The following DNAH6 variants were observed in gnomAD, a reference collection of about 807,000 sequenced individuals.
The protein encoded by DNAH6 is dynein axonemal heavy chain 6.
DNAH6 carries 340 observed loss-of-function variants against 491.4 expected under a neutral mutation model. That is an observed-to-expected ratio of 0.69 (90% CI 0.63 to 0.76). The LOEUF (loss-of-function observed/expected upper bound fraction) is 0.76, where lower values mean the gene tolerates loss of function less well. DNAH6 is among the 30% of genes least tolerant of loss of function. The pLI, the probability that DNAH6 is intolerant of heterozygous loss-of-function variation, is 0.00. For missense variants in DNAH6, 4,443 were observed against 4,972.2 expected (o/e 0.89, Z 3.20); for synonymous variants, 1,603 against 1,686.1 (o/e 0.95, Z 1.21).
rs773995601 is a variant in DNAH6, at chr2:84,709,562, T to C, written c.9252+16T>C. The C allele has an allele frequency of 6.4e-7, 1 of 1,550,814 alleles. No individual in the cohort carries two copies. The highest frequency in any genetic ancestry group is 1.2e-5 in the South Asian group (1 of 84,012). On this transcript the variant is annotated intron_variant, in intron 55 of 76. Transcript: ENST00000389394. Reference sequence around the variant, plus strand: ...CCAAGATCAGGTGTGTAGCAAATGCTTAAGAGAGTGGCTTTTGGTTCTGCT... The same window carrying C: ...CCAAGATCAGGTGTGTAGCAAATGCCTAAGAGAGTGGCTTTTGGTTCTGCT...
At chr2:84,610,685 TATG>T (rs1282044673) in intron 21 of DNAH6, among the ~76,000 whole-genome samples, 1 of 152,218 alleles carries the variant, frequency 6.6e-6, no homozygotes, top group Admixed American at 6.5e-5. Context: ...GACATGCTAA[TATG>T]ATAAGTTATC....
intron 68 of DNAH6, among the ~76,000 whole-genome samples, chr2:84,788,648 C>T (rs1677450826): frequency 6.6e-6 from 1 of 152,186 alleles, no homozygotes; most frequent in African/African-American, 2.4e-5. Context: ...GTGACCATAG[C>T]TTTATCACAT....
At chr2:84,518,177 A>T (rs1675773639) in intron 2 of DNAH6, 126 bp downstream of exon 2, 1 of 682,416 alleles carries the variant, frequency 1.5e-6, no homozygotes, top group East Asian at 2.7e-5. Flanking sequence ...AAAAGATAAT[A>T]ACTGCTTATG....
chr2:84,688,085 A>T (rs373811500), intron 44 of DNAH6, among the ~76,000 whole-genome samples: 2 of 152,000 alleles, frequency 1.3e-5, no homozygotes, highest in Non-Finnish European at 2.9e-5. Context: ...AAATACAAAA[A>T]TAAGCTGGGC....
In DNAH6 at chr2:84,577,398, G is replaced by A. The variant is rs149416280; in HGVS notation, c.2066G>A (p.Arg689Gln). ...LREKLIPSPL[R>Q]CLEVLNFMLP... is the part of the protein sequence containing the mutation. ...GAAAAATTAATTCCATCACCTTTGCGATGCTTAGAGGTAACTATAAACTAG... is the reference window on the plus strand; with the variant it reads ...GAAAAATTAATTCCATCACCTTTGCAATGCTTAGAGGTAACTATAAACTAG... The change falls in exon 13 of 77, where the codon CGA (arginine) becomes CAA (glutamine). Residue 689 changes from arginine to glutamine, a missense_variant. Arg to Gln is a conservative substitution (Grantham distance 43). Transcript: ENST00000389394. The A allele has an allele frequency of 1.3e-5, 21 of 1,597,744 alleles. No homozygotes were observed. Among genetic ancestry groups the A allele is most frequent in the East Asian group, 9.0e-5 (4 of 44,608 alleles).
chr2:84,695,508 C>T (rs368908506), intron 46 of DNAH6, among the ~76,000 whole-genome samples: 1 of 151,992 alleles, frequency 6.6e-6, no homozygotes, highest in Non-Finnish European at 1.5e-5. Flanking sequence ...TACAAAGTTG[C>T]ATGTATAAGA....
At chr2:84,815,576 C>T (rs893751323) in intron 75 of DNAH6, among the ~76,000 whole-genome samples, 2 of 152,148 alleles carry the variant, frequency 1.3e-5, no homozygotes, top group African/African-American at 4.8e-5. Context: ...TATAATCTGT[C>T]TTCTAGGAGG....
At chr2:84,642,165 C>A in intron 33 of DNAH6, 111 bp downstream of exon 33, 1 of 735,662 alleles carries the variant, frequency 1.4e-6, no homozygotes, top group Non-Finnish European at 2.2e-6. Flanking sequence ...CCTATCTTTT[C>A]TGGAGAAACT....
chr2:84,520,136 G>T (rs962773709), intron 2 of DNAH6, among the ~76,000 whole-genome samples: 2 of 151,950 alleles, frequency 1.3e-5, no homozygotes, highest in African/African-American at 4.8e-5. Flanking sequence ...AGGGCCCTGT[G>T]AGTGGTGTTG....
At chr2:84,476,269 A>G in the DNAH6 span, among the ~76,000 whole-genome samples, 3 of 152,202 alleles carry the variant, frequency 2.0e-5, no homozygotes, top group African/African-American at 2.4e-5. Context: ...CTGCTGGACT[A>G]TAGTTACGGG....
intron 64 of DNAH6, among the ~76,000 whole-genome samples, chr2:84,771,105 A>G (rs980410269): frequency 2.6e-5 from 4 of 152,104 alleles, no homozygotes; most frequent in Admixed American, 6.5e-5. Flanking sequence ...CTTGCCCAAC[A>G]TGGAGAAATC....
At chr2:84,818,589 T>C (rs1191750788) in intron 76 of DNAH6, among the ~76,000 whole-genome samples, 1 of 151,218 alleles carries the variant, frequency 6.6e-6, no homozygotes, top group African/African-American at 2.4e-5. Flanking sequence ...GAGGAATATA[T>C]TTAAAATCAC....
Position 84,625,163 on chromosome 2 carries a change from A to C in DNAH6, c.4515+100A>C, listed in dbSNP as rs915831531. On this transcript the variant is annotated intron_variant, in intron 29 of 76. Transcript: ENST00000389394. ...AATAAGGCAAGAATGGAGTGATGAC[A>C]AGCAAGAGAAAAGAAATGGGGTAAA... 25 of 1,124,994 alleles carry C rather than the reference A, an allele frequency of 2.2e-5. No individual in the cohort carries two copies. The African/African-American group carries it at 3.4e-4, about 15-fold the overall frequency. The allele number at this position is 1,124,994 out of a possible 1,614,324, so 69.7% of individuals were successfully genotyped here.
chr2:84,516,651 C>T (rs1349604000), intron 1 of DNAH6, 68 bp downstream of exon 1: 1 of 152,160 alleles, frequency 6.6e-6, no homozygotes, highest in Non-Finnish European at 1.5e-5. Context: ...GTCTGACTTT[C>T]GGAGAACATA....
intron 37 of DNAH6, among the ~76,000 whole-genome samples, chr2:84,661,633 G>C (rs1402689064): frequency 6.6e-6 from 1 of 152,128 alleles, no homozygotes; most frequent in Non-Finnish European, 1.5e-5. Flanking sequence ...ACATTGTTGA[G>C]AGAAATTTTA....
At chr2:84,685,271 G>A (rs1279915056) in intron 42 of DNAH6, 55 bp from the exon 43 acceptor site, 2 of 1,269,388 alleles carry the variant, frequency 1.6e-6, no homozygotes, top group Non-Finnish European at 2.1e-6. Flanking sequence ...ACTATTACTG[G>A]AGATTCTACA....
Position 84,607,078 on chromosome 2 carries a change from T to C in DNAH6, c.3277T>C (p.Leu1093=). 1 of 1,551,418 alleles carries C rather than the reference T, an allele frequency of 6.4e-7. No homozygotes were observed. The highest frequency in any genetic ancestry group is 8.7e-7 in the Non-Finnish European group (1 of 1,146,732). Residue 1093 remains leucine (L), a synonymous_variant, in exon 21 of 77, where the codon TTA becomes CTA. Transcript: ENST00000389394. ...GGATGAATGGCAAAAACAACTTGCTTTATTTAATCAAACACTGGTGAGTAA... is the reference window on the plus strand; with the variant it reads ...GGATGAATGGCAAAAACAACTTGCTCTATTTAATCAAACACTGGTGAGTAA... ...RVDEWQKQLA[L]FNQTLEEWLT...
chr2:84,629,591 T>A (rs1198370388), intron 29 of DNAH6, among the ~76,000 whole-genome samples: 1 of 152,232 alleles, frequency 6.6e-6, no homozygotes, highest in Non-Finnish European at 1.5e-5. Context: ...TATGCTTTTT[T>A]AAATTGATTA....
chr2:84,548,911 T>C (rs1679061166), intron 8 of DNAH6, among the ~76,000 whole-genome samples: 1 of 152,236 alleles, frequency 6.6e-6, no homozygotes, highest in Non-Finnish European at 1.5e-5. Context: ...CACAGATTTA[T>C]GGACCTCCTC....
Sources: gnomAD v4.1 joint callset for allele counts (sites outside exome capture counted in the v4.1 genomes callset) on GRCh38, gnomAD v4.1.1 for gene constraint, MANE v1.5 for transcripts, NCBI Gene and HGNC (gene_info 2026-07-23, HGNC 2026-07-21) for gene names.